The following CSMD1 variants were observed in gnomAD, a reference collection of about 807,000 sequenced individuals.
CSMD1 encodes the protein CUB and sushi domain-containing protein 1.
A neutral mutation model predicts 417.5 loss-of-function variants in CSMD1; 213 were observed. The observed-to-expected ratio is 0.51, with a 90% CI of 0.46 to 0.57. The LOEUF is 0.57. CSMD1 is among the 20% of genes least tolerant of loss of function. The pLI is 0.00. For synonymous variants in CSMD1, 2,862 were observed against 1,736.8 expected, an observed-to-expected ratio of 1.65 and a Z score of -16.11; for missense variants, 6,923 against 4,529.7, an observed-to-expected ratio of 1.53 and a Z score of -15.17.
At chr8:4,911,044 G>A (rs1265216218) in intron 1 of CSMD1, among the ~76,000 whole-genome samples, 2 of 152,184 alleles carry the variant, frequency 1.3e-5, no homozygotes, top group Non-Finnish European at 1.5e-5. Context: ...CATGTAAGAT[G>A]TGACTTGCTC....
At chr8:3,838,297 G>A (rs1006327244) in intron 5 of CSMD1, among the ~76,000 whole-genome samples, 1 of 151,924 alleles carries the variant, frequency 6.6e-6, no homozygotes, top group Non-Finnish European at 1.5e-5. Context: ...AACACTTTGG[G>A]AGGCAAGGCA....
chr8:4,880,620 G>C (rs536108928), intron 1 of CSMD1, among the ~76,000 whole-genome samples: 4 of 151,956 alleles, frequency 2.6e-5, no homozygotes, highest in Admixed American at 1.3e-4. Flanking sequence ...TTGGATTTGA[G>C]ATTTACTCAG....
At chr8:4,556,655 A>C (rs530948464) in intron 2 of CSMD1, among the ~76,000 whole-genome samples, 2 of 152,352 alleles carry the variant, frequency 1.3e-5, no homozygotes, top group Non-Finnish European at 1.5e-5. Context: ...GGATAGTGAT[A>C]GTGCAATGCA....
intron 3 of CSMD1, among the ~76,000 whole-genome samples, chr8:4,049,701 T>C (rs1585206313): frequency 6.6e-6 from 1 of 152,190 alleles, no homozygotes; most frequent in Admixed American, 6.5e-5. Flanking sequence ...TTAATAAATT[T>C]TCAAATTTAG....
At chr8:4,233,638 C>T (rs555532092) in intron 3 of CSMD1, among the ~76,000 whole-genome samples, 1 of 152,132 alleles carries the variant, frequency 6.6e-6, no homozygotes, top group Non-Finnish European at 1.5e-5. Flanking sequence ...TGCCCAGATG[C>T]TCCAGATCTG....
chr8:3,652,241 C>G (rs780907990), intron 7 of CSMD1, among the ~76,000 whole-genome samples: 3 of 151,830 alleles, frequency 2.0e-5, no homozygotes, highest in African/African-American at 4.8e-5. Flanking sequence ...AGAGCGCCTA[C>G]CAACGTCATT....
intron 7 of CSMD1, among the ~76,000 whole-genome samples, chr8:3,704,218 GC>G (rs1316232526): frequency 6.6e-6 from 1 of 152,146 alleles, no homozygotes; most frequent in Non-Finnish European, 1.5e-5. Context: ...ACAGCTACAG[GC>G]AAAAATAGAG....
intron 40 of CSMD1, among the ~76,000 whole-genome samples, chr8:3,150,116 C>T (rs1015041499): frequency 6.6e-6 from 1 of 152,166 alleles, no homozygotes; most frequent in Non-Finnish European, 1.5e-5. Context: ...ATTCCCAGGT[C>T]TCCGTTTCAT....
chr8:4,216,624 C>A (rs779893094), intron 3 of CSMD1, among the ~76,000 whole-genome samples: 17 of 152,200 alleles, frequency 1.1e-4, no homozygotes, highest in Non-Finnish European at 1.9e-4. Flanking sequence ...AGTGTGAATG[C>A]TGGGCCTCAC....
At chr8:4,212,517 C>T (rs1033105722) in intron 3 of CSMD1, among the ~76,000 whole-genome samples, 1 of 151,864 alleles carries the variant, frequency 6.6e-6, no homozygotes, top group Non-Finnish European at 1.5e-5. Flanking sequence ...TTAGATTAGA[C>T]ATTATAAAAT....
intron 5 of CSMD1, among the ~76,000 whole-genome samples, chr8:3,890,101 T>C (rs1324273139): frequency 6.6e-6 from 1 of 152,196 alleles, no homozygotes; most frequent in East Asian, 1.9e-4. Context: ...ACAAATGAGA[T>C]AATCTGATAA....
At chr8:3,369,644 G>A (rs975627183) in intron 18 of CSMD1, among the ~76,000 whole-genome samples, 1 of 152,172 alleles carries the variant, frequency 6.6e-6, no homozygotes, top group African/African-American at 2.4e-5. Context: ...CCTCAGAATT[G>A]CAGACATGGT....
chr8:3,005,254 G>A (rs898794321), intron 52 of CSMD1, among the ~76,000 whole-genome samples: 1 of 152,184 alleles, frequency 6.6e-6, no homozygotes, highest in African/African-American at 2.4e-5. Context: ...CGTCTTTCCT[G>A]AGTTACAAAG....
At chr8:4,580,390 T>G (rs1338412715) in intron 2 of CSMD1, among the ~76,000 whole-genome samples, 2 of 152,248 alleles carry the variant, frequency 1.3e-5, no homozygotes, top group Non-Finnish European at 2.9e-5. Flanking sequence ...CTTCCTTTGT[T>G]GTGTATCGTG....
chr8:3,817,249 C>CTTATTT (rs1469642230), intron 5 of CSMD1, among the ~76,000 whole-genome samples: 1 of 72,948 alleles, frequency 1.4e-5, no homozygotes, highest in African/African-American at 4.7e-5. Context: ...ATATCTTCTT[C>CTTATTT]TTCTTTTTTT....
intron 30 of CSMD1, among the ~76,000 whole-genome samples, chr8:3,208,608 T>C (rs939982817): frequency 6.6e-5 from 10 of 152,060 alleles, no homozygotes; most frequent in African/African-American, 4.8e-5. Context: ...CTTGATTGGA[T>C]TGAAGGATAG....
chr8:4,108,654 C>A (rs940577206), intron 3 of CSMD1, among the ~76,000 whole-genome samples: 1 of 152,206 alleles, frequency 6.6e-6, no homozygotes, highest in African/African-American at 2.4e-5. Flanking sequence ...TGCCACCTGA[C>A]ACTTTCGACA....
At chr8:4,968,855 C>T (rs933038259) in intron 1 of CSMD1, among the ~76,000 whole-genome samples, 6 of 152,268 alleles carry the variant, frequency 3.9e-5, no homozygotes, top group East Asian at 1.9e-4. Context: ...TACTGCACAC[C>T]GCTTAGTGCT....
intron 1 of CSMD1, among the ~76,000 whole-genome samples, chr8:4,680,747 T>G (rs1295106816): frequency 6.6e-6 from 1 of 151,932 alleles, no homozygotes; most frequent in Non-Finnish European, 1.5e-5. Context: ...ACCCAGCTAT[T>G]TTTTGTATTT....
Sources: gnomAD v4.1 joint callset for allele counts (sites outside exome capture counted in the v4.1 genomes callset) on GRCh38, gnomAD v4.1.1 for gene constraint, MANE v1.5 for transcripts, NCBI Gene and HGNC (gene_info 2026-07-23, HGNC 2026-07-21) for gene names.